Variants in RIT2 observed in about 807,000 individuals in gnomAD.
RIT2 encodes the protein Ras like without CAAX 2.
A neutral mutation model predicts 23.7 loss-of-function variants in RIT2; 24 were observed. The ratio of observed to expected loss-of-function variants is 1.01; its 90% CI spans 0.73 to 1.43. The LOEUF (loss-of-function observed/expected upper bound fraction) is 1.43. Among genes scored for constraint, RIT2 ranks in the 40% most tolerant of loss-of-function variants. RIT2 has a pLI of 0.00. For missense variants in RIT2, 236 were observed against 266.9 expected, an observed-to-expected ratio of 0.88 and a Z score of 0.81; for synonymous variants, 107 against 91.1, an observed-to-expected ratio of 1.17 and a Z score of -0.99.
At chr18:42,979,256 G>T (rs1207415671) in intron 2 of RIT2, among the ~76,000 whole-genome samples, 1 of 151,502 alleles carries the variant, frequency 6.6e-6, no homozygotes, top group East Asian at 1.9e-4. Flanking sequence ...AAATATTTTA[G>T]TTGCAAATAT....
chr18:43,087,425 A>G (rs1435209469), intron 1 of RIT2, among the ~76,000 whole-genome samples: 2 of 152,108 alleles, frequency 1.3e-5, no homozygotes, highest in African/African-American at 2.4e-5. Context: ...CTTCAAGATA[A>G]TAGATAATCC....
At chr18:42,762,582 A>T (rs1361067881) in intron 4 of RIT2, among the ~76,000 whole-genome samples, 2 of 152,178 alleles carry the variant, frequency 1.3e-5, no homozygotes, top group Non-Finnish European at 1.5e-5. Flanking sequence ...TTCAAGTCTT[A>T]GTTTGTCCCC....
intron 1 of RIT2, among the ~76,000 whole-genome samples, chr18:43,071,132 T>C (rs1452389819): frequency 4.6e-5 from 7 of 152,236 alleles, no homozygotes; most frequent in Admixed American, 3.9e-4. Flanking sequence ...CTGTTGCATC[T>C]ATAAGCAAGG....
intron 4 of RIT2, among the ~76,000 whole-genome samples, chr18:42,814,869 T>C (rs561112370): frequency 2.0e-5 from 3 of 152,210 alleles, no homozygotes; most frequent in African/African-American, 7.2e-5. Flanking sequence ...CCACCCCCAG[T>C]ACCAGCCTGG....
intron 4 of RIT2, among the ~76,000 whole-genome samples, chr18:42,850,724 A>G (rs1444436994): frequency 2.0e-5 from 3 of 152,156 alleles, no homozygotes; most frequent in East Asian, 3.9e-4. Flanking sequence ...TTTCATGCAA[A>G]ACCACATAAA....
chr18:42,921,560 A>G (rs1909056691), intron 4 of RIT2, among the ~76,000 whole-genome samples: 1 of 152,136 alleles, frequency 6.6e-6, no homozygotes, highest in Admixed American at 6.6e-5. Flanking sequence ...TGAGCCTGGT[A>G]AGACAGGGCC....
chr18:43,057,110 T>C (rs1446488910), intron 1 of RIT2, among the ~76,000 whole-genome samples: 2 of 151,766 alleles, frequency 1.3e-5, no homozygotes, highest in Non-Finnish European at 2.9e-5. Flanking sequence ...TTTGTAGATA[T>C]AGAATATTGA....
At chr18:42,981,867 A>G (rs1910605993) in intron 2 of RIT2, among the ~76,000 whole-genome samples, 1 of 152,164 alleles carries the variant, frequency 6.6e-6, no homozygotes, top group East Asian at 1.9e-4. Flanking sequence ...AAGATAAACT[A>G]TATTCATAAA....
intron 4 of RIT2, among the ~76,000 whole-genome samples, chr18:42,899,189 A>G (rs1304736288): frequency 6.6e-6 from 1 of 151,700 alleles, no homozygotes; most frequent in Non-Finnish European, 1.5e-5. Flanking sequence ...TAATTGAATC[A>G]TCTTATTTTT....
intron 3 of RIT2, among the ~76,000 whole-genome samples, chr18:42,926,400 T>C (rs2144138072): frequency 6.6e-6 from 1 of 152,072 alleles, no homozygotes. Flanking sequence ...GTGAAGAATG[T>C]AGTAGTTGTC....
At chr18:42,910,823 A>C (rs1297158820) in intron 4 of RIT2, among the ~76,000 whole-genome samples, 1 of 152,112 alleles carries the variant, frequency 6.6e-6, no homozygotes, top group Non-Finnish European at 1.5e-5. Context: ...TAGAGCAAAA[A>C]CCGATAGAGC....
At chr18:43,011,963 G>A (rs1481185352) in intron 2 of RIT2, among the ~76,000 whole-genome samples, 1 of 151,846 alleles carries the variant, frequency 6.6e-6, no homozygotes, top group Non-Finnish European at 1.5e-5. Flanking sequence ...AATATGGTAA[G>A]ATATTTAAGG....
At chr18:43,050,389 C>T (rs1912351843) in intron 1 of RIT2, among the ~76,000 whole-genome samples, 1 of 152,004 alleles carries the variant, frequency 6.6e-6, no homozygotes, top group South Asian at 2.1e-4. Context: ...TATAAATAGA[C>T]ATTTCTGGGA....
chr18:42,769,094 A>G lies in RIT2; in HGVS notation c.427-25374T>C, dbSNP rs545453434. ...TTGCTAGTATTCTTGGGAAATCATCATGTCCTTTGATAGTAGAAGCTAAGA... is the reference window on the plus strand; with the variant it reads ...TTGCTAGTATTCTTGGGAAATCATCGTGTCCTTTGATAGTAGAAGCTAAGA... On this transcript the variant is annotated intron_variant, in intron 4 of 4. Coordinates refer to ENST00000326695, the MANE Select transcript of RIT2 (RefSeq NM_002930.4). Among the ~76,000 whole-genome samples, 4 of 152,266 alleles carry G rather than the reference A, an allele frequency of 2.6e-5. No homozygotes were observed. The East Asian group carries it at 7.7e-4, about 29-fold the overall frequency.
intron 4 of RIT2, among the ~76,000 whole-genome samples, chr18:42,876,697 C>G (rs774591386): frequency 1.3e-4 from 19 of 151,458 alleles, no homozygotes; most frequent in Non-Finnish European, 2.5e-4. Context: ...AATTTTAGTA[C>G]AGGTTTTTTT....
At chr18:42,952,326 T>C (rs1020046306) in intron 3 of RIT2, among the ~76,000 whole-genome samples, 3 of 152,098 alleles carry the variant, frequency 2.0e-5, no homozygotes, top group African/African-American at 7.2e-5. Context: ...GAATCTGAAA[T>C]AGTCAAACTT....
intron 4 of RIT2, among the ~76,000 whole-genome samples, chr18:42,905,977 A>AAT (rs1186458445): frequency 1.5e-5 from 2 of 134,616 alleles, no homozygotes; most frequent in Non-Finnish European, 3.1e-5. Flanking sequence ...AGCAAATTGA[A>AAT]ATATATATAT....
At chr18:43,111,435 C>G (rs920717057) in intron 1 of RIT2, among the ~76,000 whole-genome samples, 2 of 151,520 alleles carry the variant, frequency 1.3e-5, no homozygotes, top group African/African-American at 4.8e-5. Flanking sequence ...TTTAAAATAA[C>G]AAAAAAGTAT....
Position 42,743,641 on chromosome 18 carries a change from C to T in RIT2, c.506G>A (p.Cys169Tyr), listed in dbSNP as rs1442574006. Residue 169 changes from cysteine to tyrosine, a missense_variant, in exon 5 of 5, where the codon TGT becomes TAT. Transcript: ENST00000326695. ...FFETSAALRF[C>Y]IDDAFHGLVR... The stretch of plus-strand genomic sequence containing the variant: ...TAAGCCATGAAAAGCATCATCAATA[C>T]AGAATCTGAGGGCTGCAGAGGTCTC... 6.2e-7 allele frequency: 1 copy of T among 1,613,960 alleles called. No homozygotes were observed. The highest frequency in any genetic ancestry group is 8.5e-7 in the Non-Finnish European group (1 of 1,179,996).
Sources: allele counts gnomAD v4.1 joint callset (sites outside exome capture counted in the v4.1 genomes callset), GRCh38; gene constraint gnomAD v4.1.1; transcripts MANE v1.5; gene names NCBI Gene and HGNC (gene_info 2026-07-23, HGNC 2026-07-21).